Variants in GUCY1A2 observed in about 807,000 individuals in gnomAD.
GUCY1A2 encodes guanylate cyclase 1 soluble subunit alpha 2, also known as guanylate cyclase soluble subunit alpha-2.
A neutral mutation model predicts 63.5 loss-of-function variants in GUCY1A2; 27 were observed. The observed-to-expected ratio is 0.43, with a 90% CI of 0.31 to 0.59. The LOEUF (loss-of-function observed/expected upper bound fraction) is 0.59, where lower values mean the gene tolerates loss of function less well. Ranked by LOEUF, GUCY1A2 falls within the 20% of genes least tolerant of loss-of-function variation. The pLI is 0.11. For synonymous variants in GUCY1A2, 364 were observed against 343.5 expected (o/e 1.06, Z -0.66); for missense variants, 768 against 913.3 (o/e 0.84, Z 2.05).
intron 7 of GUCY1A2, among the ~76,000 whole-genome samples, chr11:106,699,148 A>T (rs1019007618): frequency 2.0e-5 from 3 of 152,204 alleles, no homozygotes; most frequent in Non-Finnish European, 4.4e-5. Context: ...TTTCTAAAGA[A>T]CTTGGCCTTT....
chr11:106,968,435 T>C (rs1393571864), intron 3 of GUCY1A2, among the ~76,000 whole-genome samples: 1 of 152,190 alleles, frequency 6.6e-6, no homozygotes, highest in African/African-American at 2.4e-5. Context: ...AAAATTAAAA[T>C]TGATATTTTC....
intron 4 of GUCY1A2, among the ~76,000 whole-genome samples, chr11:106,850,606 T>C (rs991757117): frequency 6.6e-5 from 10 of 151,872 alleles, no homozygotes; most frequent in Non-Finnish European, 1.5e-4. Context: ...ATGTGGTTAT[T>C]GATCTTTCTA....
chr11:106,994,647 T>G (rs533841543), intron 1 of GUCY1A2, among the ~76,000 whole-genome samples: 2 of 152,302 alleles, frequency 1.3e-5, no homozygotes, highest in African/African-American at 4.8e-5. Context: ...AAACTGAGCA[T>G]CAGAGAGGTT....
chr11:106,710,147 TTA>T lies in GUCY1A2; in HGVS notation c.1837-1483_1837-1482del, dbSNP rs1278732946. On this transcript the variant is annotated intron_variant, in intron 6 of 7. Transcript: ENST00000526355. ...ATATAGTTATATATATAATATATAG[TTA>T]TATATATTATATACATGTATATAAT... 1.9e-3 allele frequency among the ~76,000 whole-genome samples: 179 copies of T among 94,100 alleles called. 1 individual carries two copies. The highest frequency in any genetic ancestry group is 2.8e-3 in the Non-Finnish European group (148 of 52,198). 61.7% of individuals were successfully genotyped at this position (94,100 alleles called of 152,430 possible).
chr11:106,770,981 A>G (rs1049522309), intron 6 of GUCY1A2, among the ~76,000 whole-genome samples: 1 of 151,918 alleles, frequency 6.6e-6, no homozygotes, highest in Non-Finnish European at 1.5e-5. Context: ...GCCTCATTAT[A>G]TAAAATGCAC....
chr11:106,939,585 C>G lies in GUCY1A2; in HGVS notation c.1081G>C (p.Glu361Gln). 6.2e-7 allele frequency: 1 copy of G among 1,613,870 alleles called. No homozygotes were observed. Among genetic ancestry groups the G allele is most frequent in the Non-Finnish European group, 8.5e-7 (1 of 1,179,770 alleles). Residue 361 changes from glutamate to glutamine, a missense_variant, in exon 4 of 8, where the codon GAG becomes CAG. Physicochemically the swap from Glu to Gln is conservative, Grantham distance 29. Coordinates refer to ENST00000526355, the MANE Select transcript of GUCY1A2 (RefSeq NM_000855.3). Reference protein sequence around the residue: ...RCDTHKVLKFEDCFEIVSPKV... With the variant: ...RCDTHKVLKFQDCFEIVSPKV... ...GGAGATACAATCTCGAAGCAGTCCT[C>G]AAACTTGAGCACTTTGTGAGTGTCA... is the stretch of plus-strand genomic sequence containing the variant.
chr11:106,908,465 G>T (rs1002451211), intron 4 of GUCY1A2, among the ~76,000 whole-genome samples: 1 of 151,834 alleles, frequency 6.6e-6, no homozygotes, highest in Admixed American at 6.6e-5. Flanking sequence ...ATTTTACAAG[G>T]ATATACCTAT....
At chr11:106,814,080 A>G (rs1306049536) in intron 4 of GUCY1A2, among the ~76,000 whole-genome samples, 1 of 152,110 alleles carries the variant, frequency 6.6e-6, no homozygotes, top group East Asian at 1.9e-4. Flanking sequence ...AAGCGAAGCA[A>G]TTACAATTTT....
chr11:106,982,830 AG>A (rs1363893207), intron 2 of GUCY1A2, among the ~76,000 whole-genome samples: 1 of 152,240 alleles, frequency 6.6e-6, no homozygotes, highest in Non-Finnish European at 1.5e-5. Context: ...TTACAGAGGT[AG>A]GCAGAGGCCA....
chr11:106,986,226 TA>T (rs1861399509), intron 1 of GUCY1A2, 95 bp from the exon 2 acceptor site: 1 of 695,232 alleles, frequency 1.4e-6, no homozygotes, highest in Non-Finnish European at 2.5e-6. Flanking sequence ...GCTTCTGATT[TA>T]TCTCTTGAGA....
chr11:106,987,362 C>G (rs1018350572), intron 1 of GUCY1A2, among the ~76,000 whole-genome samples: 1 of 152,150 alleles, frequency 6.6e-6, no homozygotes, highest in Non-Finnish European at 1.5e-5. Flanking sequence ...CTAAAGGAGA[C>G]CCCAGGAGCT....
At chr11:106,780,896 T>C (rs1864447759) in intron 5 of GUCY1A2, among the ~76,000 whole-genome samples, 1 of 152,098 alleles carries the variant, frequency 6.6e-6, no homozygotes, top group Non-Finnish European at 1.5e-5. Flanking sequence ...GAATGCTCCA[T>C]TTTTCTCTCT....
At chr11:106,868,684 A>G (rs547291694) in intron 4 of GUCY1A2, among the ~76,000 whole-genome samples, 5 of 152,050 alleles carry the variant, frequency 3.3e-5, no homozygotes, top group African/African-American at 1.2e-4. Context: ...CTACTGCCCA[A>G]GGTAATTTAT....
intron 6 of GUCY1A2, among the ~76,000 whole-genome samples, chr11:106,765,413 AATTTC>A (rs1864145911): frequency 6.6e-6 from 1 of 152,130 alleles, no homozygotes; most frequent in African/African-American, 2.4e-5. Flanking sequence ...CCAAGTTAGT[AATTTC>A]TAGTTGTTGG....
At chr11:106,826,103 C>A (rs1565301997) in intron 4 of GUCY1A2, among the ~76,000 whole-genome samples, 1 of 152,058 alleles carries the variant, frequency 6.6e-6, no homozygotes, top group African/African-American at 2.4e-5. Context: ...TAAATTTGCT[C>A]CAAAGCTAAA....
chr11:106,710,641 TTAGTC>T (rs1474848670), intron 6 of GUCY1A2, among the ~76,000 whole-genome samples: 9 of 151,762 alleles, frequency 5.9e-5, no homozygotes, highest in African/African-American at 2.2e-4. Flanking sequence ...TACTCTCTGA[TTAGTC>T]TGTCTGGTCC....
intron 1 of GUCY1A2, among the ~76,000 whole-genome samples, chr11:106,986,674 G>A (rs978192520): frequency 2.0e-5 from 3 of 151,762 alleles, no homozygotes; most frequent in Non-Finnish European, 4.4e-5. Context: ...TTTTTTCCCC[G>A]TTCTTTGAGG....
intron 4 of GUCY1A2, among the ~76,000 whole-genome samples, chr11:106,924,869 G>T (rs1356341880): frequency 1.3e-5 from 2 of 152,032 alleles, no homozygotes; most frequent in Non-Finnish European, 2.9e-5. Context: ...GCTGGGCATG[G>T]TGGTGCGTAC....
chr11:107,010,492 C>T (rs567837421), intron 1 of GUCY1A2, among the ~76,000 whole-genome samples: 2 of 152,144 alleles, frequency 1.3e-5, no homozygotes, highest in Non-Finnish European at 2.9e-5. Context: ...GAGGAGGATA[C>T]TGTTCCATCT....
Sources: gnomAD v4.1 joint callset for allele counts (sites outside exome capture counted in the v4.1 genomes callset) on GRCh38, gnomAD v4.1.1 for gene constraint, MANE v1.5 for transcripts, NCBI Gene and HGNC (gene_info 2026-07-23, HGNC 2026-07-21) for gene names.